The following PHRF1 variants were observed in gnomAD, a reference collection of about 807,000 sequenced individuals.
The protein encoded by PHRF1 is PHD and RING finger domain-containing protein 1.
PHRF1 carries 53 observed loss-of-function variants against 128.9 expected under a neutral mutation model. The observed-to-expected ratio is 0.41, with a 90% CI of 0.33 to 0.52. The LOEUF is 0.52. Ranked by LOEUF, PHRF1 falls within the 20% of genes least tolerant of loss-of-function variation. The probability of loss-of-function intolerance (pLI) is 0.21; values close to 1 mark genes in which losing one functional copy is unlikely to be tolerated. For synonymous variants in PHRF1, 1,178 were observed against 980.6 expected, an observed-to-expected ratio of 1.20 and a Z score of -3.76; for missense variants, 2,503 against 2,284.5, an observed-to-expected ratio of 1.10 and a Z score of -1.95.
intron 10 of PHRF1, 93 bp downstream of exon 10, chr11:601,794 C>A: frequency 6.7e-7 from 1 of 1,502,390 alleles, no homozygotes; most frequent in Admixed American, 2.0e-5. Flanking sequence ...CTGGCCTTGG[C>A]ACCCTCGCGC....
intron 9 of PHRF1, among the ~76,000 whole-genome samples, chr11:600,355 G>A (rs1020921027): frequency 6.6e-6 from 1 of 150,968 alleles, no homozygotes; most frequent in Non-Finnish European, 1.5e-5. Flanking sequence ...TCAAGCAATT[G>A]TGGTGCCTCA....
chr11:604,921 A>G (rs1448742106), intron 10 of PHRF1, among the ~76,000 whole-genome samples, 198 bp from the exon 11 acceptor site: 1 of 152,252 alleles, frequency 6.6e-6, no homozygotes, highest in African/African-American at 2.4e-5. Flanking sequence ...GGTAGCCTGC[A>G]GGAGCTTCAC....
chr11:577,867 C>T (rs1473230573), intron 1 of PHRF1, among the ~76,000 whole-genome samples: 1 of 152,242 alleles, frequency 6.6e-6, no homozygotes, highest in Non-Finnish European at 1.5e-5. Flanking sequence ...ATTGGTTCCC[C>T]TGAATTTGAA....
Position 610,947 on chromosome 11 carries a change from C to T in PHRF1, c.4678-7C>T, listed in dbSNP as rs559843533. 42 of 1,612,760 alleles carry T rather than the reference C, an allele frequency of 2.6e-5. No homozygotes were observed. The East Asian group carries it at 7.8e-4, about 30-fold the overall frequency. On this transcript the variant is annotated splice_region_variant and splice_polypyrimidine_tract_variant and intron_variant, in intron 16 of 17. Coordinates refer to ENST00000264555, the MANE Select transcript of PHRF1 (RefSeq NM_001286581.2). ...TCCTGGCCGCATCACACACATGTCC[C>T]CTCTAGTACATGAAGAAGCTGCACA...
chr11:584,177 C>A (rs1269438969), intron 3 of PHRF1, among the ~76,000 whole-genome samples: 1 of 152,166 alleles, frequency 6.6e-6, no homozygotes, highest in African/African-American at 2.4e-5. Flanking sequence ...GTCTGCAGGT[C>A]CTGAGGGGCT....
At position 609,718 on chromosome 11, in the gene PHRF1, C is replaced by A; in HGVS notation, c.4262C>A (p.Pro1421His). The A allele has an allele frequency of 6.7e-7, 1 of 1,481,542 alleles. No individual in the cohort carries two copies. The allele number at this position is 1,481,542 out of a possible 1,614,324, so 91.8% of individuals were successfully genotyped here. The change falls in exon 14 of 18, where the codon CCC (proline) becomes CAC (histidine). Residue 1421 changes from proline to histidine, a missense_variant and splice_region_variant. By Grantham distance (77) the Pro-to-His change is moderately conservative (BLOSUM62 -2). Transcript: ENST00000264555. ...AGCGCCCCCGCCGAGGACAGAGCCC[C>A]CCGTGAGTAGTGCCCCGGCCCCCAC... Reference protein sequence around the residue: ...ESSAPAEDRAPRAPLHRPQKP... With the variant: ...ESSAPAEDRAHRAPLHRPQKP...
At position 605,106 on chromosome 11, in the gene PHRF1, T is replaced by C; in HGVS notation, c.1153-13T>C. 6.3e-7 allele frequency: 1 copy of C among 1,599,648 alleles called. No individual in the cohort carries two copies. The highest frequency in any genetic ancestry group is 8.6e-7 in the Non-Finnish European group (1 of 1,168,922). On this transcript the variant is annotated splice_polypyrimidine_tract_variant and intron_variant, in intron 10 of 17. Coordinates refer to ENST00000264555, the MANE Select transcript of PHRF1 (RefSeq NM_001286581.2). Reference sequence around the variant, plus strand: ...GTCTCTCTGTTCATCTTTTTCTTTGTTACTGGATTCAGAGTGAAGCCACCA... The same window carrying C: ...GTCTCTCTGTTCATCTTTTTCTTTGCTACTGGATTCAGAGTGAAGCCACCA...
At chr11:582,593 C>T (rs917825391) in intron 3 of PHRF1, among the ~76,000 whole-genome samples, 3 of 151,920 alleles carry the variant, frequency 2.0e-5, no homozygotes, top group Non-Finnish European at 2.9e-5. Context: ...GGCGCGATCT[C>T]GGCTCACTGC....
At chr11:585,156 T>A (rs1173952798) in intron 3 of PHRF1, among the ~76,000 whole-genome samples, 1 of 152,210 alleles carries the variant, frequency 6.6e-6, no homozygotes, top group Non-Finnish European at 1.5e-5. Context: ...GAGCTTTCGT[T>A]CTCATTGCTT....
At chr11:601,292 G>T (rs1359617190) in intron 9 of PHRF1, among the ~76,000 whole-genome samples, 1 of 151,948 alleles carries the variant, frequency 6.6e-6, no homozygotes, top group Non-Finnish European at 1.5e-5. Context: ...AGCTGGGCAC[G>T]GTGGTGCCTA....
At chr11:592,710 T>C in intron 6 of PHRF1, 36 bp downstream of exon 6, 1 of 1,602,360 alleles carries the variant, frequency 6.2e-7, no homozygotes, top group Non-Finnish European at 8.6e-7. Context: ...CGTGCCCTGC[T>C]GCGTGCAAGG....
intron 6 of PHRF1, among the ~76,000 whole-genome samples, chr11:595,661 C>T (rs1217809927): frequency 6.6e-6 from 1 of 152,234 alleles, no homozygotes; most frequent in East Asian, 1.9e-4. Context: ...CCTGGCCTGG[C>T]TGTGGATGGG....
At chr11:593,254 C>G (rs1198094790) in intron 6 of PHRF1, among the ~76,000 whole-genome samples, 1 of 152,240 alleles carries the variant, frequency 6.6e-6, no homozygotes, top group African/African-American at 2.4e-5. Context: ...GAGGGGCTTT[C>G]CCTGTTGATT....
chr11:591,279 C>A (rs926699227), intron 4 of PHRF1, 105 bp from the exon 5 acceptor site: 1 of 1,002,132 alleles, frequency 1.0e-6, no homozygotes, highest in Non-Finnish European at 1.5e-6. Flanking sequence ...GAGGGCCTGG[C>A]GCATGGAGGC....
rs372889423 is a variant in PHRF1 at position 611,131 on chromosome 11, C to T, written c.4806+49C>T. 60 of 1,600,964 alleles carry T rather than the reference C, an allele frequency of 3.7e-5. No individual in the cohort carries two copies. In the Middle Eastern group the frequency reaches 6.6e-4, roughly 18 times the overall value. On this transcript the variant is annotated intron_variant, in intron 17 of 17. Coordinates refer to ENST00000264555, the MANE Select transcript of PHRF1 (RefSeq NM_001286581.2). ...GTGGGGCTCGGGGTCACGGGCGGTA[C>T]GTCGCTGCTGTCTCGTCAGCATGGA...
rs1589883397 is a variant in PHRF1 at position 597,809 on chromosome 11, C to T, written c.894+239C>T. 1.3e-5 allele frequency among the ~76,000 whole-genome samples: 2 copies of T among 152,140 alleles called. No homozygotes were observed. The highest frequency in any genetic ancestry group is 4.1e-4 in the South Asian group (2 of 4,828). Reference sequence around the variant, plus strand: ...GTATTGAGGGGCAGGTGAAGCCTGGCCCTGGCGGGGTGGGGGCTCTAGGAA... The same window carrying T: ...GTATTGAGGGGCAGGTGAAGCCTGGTCCTGGCGGGGTGGGGGCTCTAGGAA... On this transcript the variant is annotated intron_variant, in intron 8 of 17. Transcript: ENST00000264555. This position sits in a 1 kb window ranked among gnomAD's most constrained non-coding sequence, Gnocchi z 6.5.
At position 598,480 on chromosome 11, in the gene PHRF1, C is replaced by T. The variant is rs367670551; in HGVS notation, c.1002C>T (p.Pro334=). 57 of 1,609,670 alleles carry T rather than the reference C, an allele frequency of 3.5e-5. No individual in the cohort carries two copies. Among genetic ancestry groups the T allele is most frequent in the South Asian group, 3.4e-4 (31 of 90,890 alleles). ...AGCGCCCCCTGACGCCGCGCACTCC[C>T]GCCCGACGGAAGAGGAAGACAAGTA... ...VYQRPLTPRT[P]ARRKRKTRRR... is the part of the protein sequence containing the mutation. The change falls in exon 9 of 18, where the codon CCC becomes CCT. Residue 334 remains proline (P), a synonymous_variant. Transcript: ENST00000264555.
chr11:577,220 G>C (rs1310564773), intron 1 of PHRF1, among the ~76,000 whole-genome samples: 1 of 152,238 alleles, frequency 6.6e-6, no homozygotes, highest in Non-Finnish European at 1.5e-5. Flanking sequence ...CAGAGGAGGG[G>C]ATTGGAGCCC....
intron 6 of PHRF1, among the ~76,000 whole-genome samples, chr11:596,393 A>G (rs1473145647): frequency 1.3e-5 from 2 of 152,166 alleles, no homozygotes; most frequent in Non-Finnish European, 2.9e-5. Flanking sequence ...TGTGAGGTGC[A>G]ATGTTTGAAA....
Sources: allele counts gnomAD v4.1 joint callset (sites outside exome capture counted in the v4.1 genomes callset), GRCh38; gene constraint gnomAD v4.1.1; non-coding constraint Gnocchi (gnomAD v3.1); transcripts MANE v1.5; gene names NCBI Gene and HGNC (gene_info 2026-07-23, HGNC 2026-07-21).